FOXP2: variants seen among roughly 807,000 people sequenced by gnomAD.
FOXP2 encodes forkhead box protein P2.
In FOXP2, 12 loss-of-function variants were observed where a neutral mutation model predicts 115.8. The ratio of observed to expected loss-of-function variants is 0.10; its 90% CI spans 0.07 to 0.17. The LOEUF (loss-of-function observed/expected upper bound fraction) is 0.17. Among genes scored for constraint, FOXP2 ranks in the 10% least tolerant of loss-of-function variants. FOXP2 has a pLI of 1.00. For missense variants in FOXP2, 629 were observed against 843.5 expected (o/e 0.75, Z 3.15); for synonymous variants, 328 against 297.7 (o/e 1.10, Z -1.05).
intron 2 of FOXP2, among the ~76,000 whole-genome samples, chr7:114,335,369 C>T (rs563120616): frequency 6.6e-6 from 1 of 151,928 alleles, no homozygotes; most frequent in Admixed American, 6.6e-5. Flanking sequence ...TAAAAGCTTG[C>T]ATTTCTATAA....
chr7:114,161,722 G>C (rs1430784444), upstream of FOXP2, among the ~76,000 whole-genome samples: 1 of 152,058 alleles, frequency 6.6e-6, no homozygotes, highest in African/African-American at 2.4e-5. Context: ...AAGGGAGTAT[G>C]AGTGACTTCA....
intron 1 of FOXP2, among the ~76,000 whole-genome samples, chr7:114,236,395 T>A (rs1343364137): frequency 6.6e-6 from 1 of 152,210 alleles, no homozygotes; most frequent in Admixed American, 6.5e-5. Context: ...TCTAAACATA[T>A]AAAGCAGAAA....
At chr7:114,160,366 A>G (rs562373063), upstream of FOXP2, among the ~76,000 whole-genome samples, 6 of 152,222 alleles carry the variant, frequency 3.9e-5, no homozygotes, top group East Asian at 1.9e-4. Flanking sequence ...CTACCAGACA[A>G]TAAGAAGAGT....
chr7:114,643,624 C>A (rs1209279928), intron 7 of FOXP2, among the ~76,000 whole-genome samples: 1 of 152,124 alleles, frequency 6.6e-6, no homozygotes, highest in Non-Finnish European at 1.5e-5. Context: ...GTGAAAGGAG[C>A]ATTCATGTAC....
At chr7:114,510,108 C>A (rs955514312) in intron 2 of FOXP2, among the ~76,000 whole-genome samples, 10 of 152,078 alleles carry the variant, frequency 6.6e-5, no homozygotes, top group African/African-American at 2.4e-4. Flanking sequence ...GTCCAAACTA[C>A]TTTCATGGCT....
chr7:114,481,004 T>G (rs1331075859), intron 2 of FOXP2, among the ~76,000 whole-genome samples: 3 of 151,312 alleles, frequency 2.0e-5, no homozygotes, highest in Non-Finnish European at 4.5e-5. Context: ...TAACAAAAAC[T>G]AAAACCCTCT....
chr7:114,650,544 A>C lies in FOXP2; in HGVS notation c.1095-1659A>C, dbSNP rs114517918. The stretch of plus-strand genomic sequence containing the variant: ...TGTTCATTTAAATTTTGGGGGAAAA[A>C]ACCCTGGGAAACAATTTTTAAATGT... On this transcript the variant is annotated intron_variant, in intron 8 of 16. Transcript: ENST00000350908. Among the ~76,000 whole-genome samples the C allele has an allele frequency of 1.9e-3, 289 of 152,156 alleles. 2 individuals carry two copies. Among genetic ancestry groups the C allele is most frequent in the African/African-American group, 6.7e-3 (279 of 41,540 alleles).
intron 1 of FOXP2, among the ~76,000 whole-genome samples, chr7:114,101,318 A>C (rs532102080): frequency 1.3e-5 from 2 of 152,308 alleles, no homozygotes; most frequent in Admixed American, 1.3e-4. Context: ...GACATGCAGA[A>C]ACAGGAGAGA....
chr7:114,295,414 C>A (rs965429661), intron 2 of FOXP2, among the ~76,000 whole-genome samples: 9 of 152,110 alleles, frequency 5.9e-5, no homozygotes, highest in Admixed American at 5.9e-4. Context: ...TGGTTAAAAT[C>A]TAATCCAGCA....
intron 2 of FOXP2, among the ~76,000 whole-genome samples, chr7:114,436,496 T>G (rs971371623): frequency 6.6e-6 from 1 of 151,300 alleles, no homozygotes; most frequent in Non-Finnish European, 1.5e-5. Context: ...GTAAAATTAT[T>G]GATATAAAAT....
chr7:114,606,755 C>T (rs1414011320), intron 3 of FOXP2, among the ~76,000 whole-genome samples: 1 of 152,092 alleles, frequency 6.6e-6, no homozygotes, highest in Non-Finnish European at 1.5e-5. Flanking sequence ...ATTTTGGGAA[C>T]AGTATACCTA....
chr7:114,534,818 AG>A, intron 3 of FOXP2, 112 bp downstream of exon 3: 2 of 794,924 alleles, frequency 2.5e-6, no homozygotes, highest in Non-Finnish European at 4.3e-6. Flanking sequence ...TTGCATATGT[AG>A]GTAATTTTAA....
rs1185856662 is a variant in FOXP2 at position 114,414,841 on chromosome 7, T to C, written c.-530T>C. 8.9e-6 allele frequency: 3 copies of C among 337,472 alleles called. No homozygotes were observed. Among genetic ancestry groups the C allele is most frequent in the African/African-American group, 4.3e-5 (2 of 46,342 alleles). The allele number at this position is 337,472 out of a possible 1,614,324, so 20.9% of individuals were successfully genotyped here. A position where few individuals can be genotyped will look rare whatever the true frequency, so the allele number is the denominator to read the frequency against. ...CAGACATGAAAGCTAACCGAGGACTTGAGAGACTCAAACTGGTGCTTTTGT... is the reference window on the plus strand; with the variant it reads ...CAGACATGAAAGCTAACCGAGGACTCGAGAGACTCAAACTGGTGCTTTTGT... On this transcript the variant is annotated 5_prime_UTR_variant, in exon 1 of 17. Transcript: ENST00000350908.
chr7:114,579,898 G>T (rs1801759591), intron 3 of FOXP2, among the ~76,000 whole-genome samples: 2 of 152,150 alleles, frequency 1.3e-5, no homozygotes, highest in Admixed American at 1.3e-4. Flanking sequence ...CGTAATTTAG[G>T]ATTCAAAAAT....
At chr7:114,609,600 C>A (rs1177546965) in intron 3 of FOXP2, among the ~76,000 whole-genome samples, 1 of 152,174 alleles carries the variant, frequency 6.6e-6, no homozygotes. Context: ...ACACTCCTTT[C>A]TAACTTTGGA....
chr7:114,332,293 G>A (rs1473197905), intron 2 of FOXP2, among the ~76,000 whole-genome samples: 1 of 152,096 alleles, frequency 6.6e-6, no homozygotes, highest in Non-Finnish European at 1.5e-5. Flanking sequence ...AGAGTAAAAT[G>A]TCTCCCCTGA....
At chr7:114,150,195 G>C (rs991550024) in intron 1 of FOXP2, among the ~76,000 whole-genome samples, 4 of 151,938 alleles carry the variant, frequency 2.6e-5, no homozygotes, top group Non-Finnish European at 4.4e-5. Flanking sequence ...ATTATTTTAG[G>C]GTCCGGATGA....
chr7:114,522,372 G>C (rs894000370), intron 2 of FOXP2, among the ~76,000 whole-genome samples: 2 of 152,156 alleles, frequency 1.3e-5, no homozygotes, highest in Admixed American at 6.6e-5. Context: ...CAAAACAGCA[G>C]TGGGATATTC....
At chr7:114,687,902 G>A (rs1808448151) in intron 16 of FOXP2, among the ~76,000 whole-genome samples, 1 of 151,974 alleles carries the variant, frequency 6.6e-6, no homozygotes, top group African/African-American at 2.4e-5. Context: ...ACATTAAGAA[G>A]TAACTCATGA....
Sources: allele counts gnomAD v4.1 joint callset (sites outside exome capture counted in the v4.1 genomes callset), GRCh38; gene constraint gnomAD v4.1.1; transcripts MANE v1.5; gene names NCBI Gene and HGNC (gene_info 2026-07-23, HGNC 2026-07-21).